Variants in DCDC2 observed in about 807,000 individuals in gnomAD.
DCDC2 encodes the protein doublecortin domain-containing protein 2.
In DCDC2, 40 loss-of-function variants were observed where a neutral mutation model predicts 50.2. The ratio of observed to expected loss-of-function variants is 0.80; its 90% confidence interval spans 0.62 to 1.04. DCDC2 has a LOEUF of 1.04. Among genes scored for constraint, DCDC2 ranks in the 50% least tolerant of loss-of-function variants. DCDC2 has a pLI of 0.00. For missense variants in DCDC2, 570 were observed against 581.9 expected (o/e 0.98, Z 0.21); for synonymous variants, 234 against 210.6 (o/e 1.11, Z -0.96).
At chr6:24,217,668 C>A (rs1377765804) in intron 7 of DCDC2, among the ~76,000 whole-genome samples, 2 of 152,100 alleles carry the variant, frequency 1.3e-5, no homozygotes, top group Non-Finnish European at 2.9e-5. Context: ...TTTAACTGTT[C>A]TAGAATTTTA....
chr6:24,331,149 G>T (rs1759957704), intron 2 of DCDC2, among the ~76,000 whole-genome samples: 1 of 152,128 alleles, frequency 6.6e-6, no homozygotes, highest in East Asian at 1.9e-4. Flanking sequence ...CTAACTGGAA[G>T]ACGGGAAGAG....
At position 24,265,880 on chromosome 6, in the gene DCDC2, A is replaced by T. The variant is rs192412358; in HGVS notation, c.922+12169T>A. 4.7e-4 allele frequency among the ~76,000 whole-genome samples: 71 copies of T among 152,214 alleles called. No individual in the cohort carries two copies. In the East Asian group the frequency reaches 0.012, roughly 26 times the overall value. On this transcript the variant is annotated intron_variant, in intron 7 of 9. Transcript: ENST00000378454. ...GCAAGAGCAAACCCAATCCAAAATTAAAAGAAATAACAACAGAGCAGAAAT... is the reference window on the plus strand; with the variant it reads ...GCAAGAGCAAACCCAATCCAAAATTTAAAGAAATAACAACAGAGCAGAAAT...
Position 24,178,640 on chromosome 6 carries a change from A to T in DCDC2, c.1024-8T>A. On this transcript the variant is annotated splice_region_variant and splice_polypyrimidine_tract_variant and intron_variant, in intron 8 of 9. Transcript: ENST00000378454. ...TACTATTTCTGCTGGCCTCTGATGG[A>T]TCAAAAGGAATAATGGATAAAAGTA... The T allele has an allele frequency of 6.2e-7, 1 of 1,607,834 alleles. No individual in the cohort carries two copies. Among genetic ancestry groups the T allele is most frequent in the East Asian group, 2.2e-5 (1 of 44,856 alleles).
chr6:24,232,429 T>G (rs957903629), intron 7 of DCDC2, among the ~76,000 whole-genome samples: 2 of 152,238 alleles, frequency 1.3e-5, no homozygotes, highest in Non-Finnish European at 2.9e-5. Flanking sequence ...TCAATCAGCA[T>G]GTTCAGGCAC....
At chr6:24,308,539 A>C (rs1214546924) in intron 2 of DCDC2, among the ~76,000 whole-genome samples, 7 of 152,254 alleles carry the variant, frequency 4.6e-5, no homozygotes, top group African/African-American at 1.7e-4. Flanking sequence ...TACACAACAC[A>C]AACTATAAAA....
chr6:24,212,021 A>T (rs1468615404), intron 7 of DCDC2, among the ~76,000 whole-genome samples: 2 of 152,074 alleles, frequency 1.3e-5, no homozygotes, highest in African/African-American at 4.8e-5. Context: ...GCGGCAGGTG[A>T]GTGAGAATTG....
chr6:24,221,839 A>G (rs1770908), intron 7 of DCDC2, among the ~76,000 whole-genome samples: 123,765 of 151,758 alleles, frequency 0.82, 51,260 homozygotes, highest in Non-Finnish European at 0.89. Flanking sequence ...CTTTTATTAC[A>G]CCCATCGTTA....
chr6:24,283,843 G>A (rs797007552), intron 6 of DCDC2, among the ~76,000 whole-genome samples: 16 of 152,320 alleles, frequency 1.1e-4, no homozygotes, highest in African/African-American at 3.9e-4. Flanking sequence ...AGCCGAGTTT[G>A]TGAGAACCTA....
chr6:24,306,944 T>G (rs1759486227), intron 2 of DCDC2, among the ~76,000 whole-genome samples: 1 of 152,198 alleles, frequency 6.6e-6, no homozygotes, highest in Non-Finnish European at 1.5e-5. Context: ...TTTAAAAACA[T>G]ATATTTGGAA....
At chr6:24,240,778 A>G (rs898286250) in intron 7 of DCDC2, among the ~76,000 whole-genome samples, 3 of 152,248 alleles carry the variant, frequency 2.0e-5, no homozygotes, top group South Asian at 2.1e-4. Flanking sequence ...CAGCAAATCA[A>G]TCCCTTAGAT....
At chr6:24,366,828 C>CT in the DCDC2 span, among the ~76,000 whole-genome samples, 2 of 150,248 alleles carry the variant, frequency 1.3e-5, no homozygotes, top group African/African-American at 4.8e-5. Flanking sequence ...AATGCTGGAT[C>CT]TTTTTTTATA....
At chr6:24,305,938 G>A (rs1056575570) in intron 2 of DCDC2, among the ~76,000 whole-genome samples, 1 of 152,000 alleles carries the variant, frequency 6.6e-6, no homozygotes, top group East Asian at 1.9e-4. Context: ...TGAGGGATGA[G>A]AATCACTTGA....
chr6:24,247,012 G>A (rs1258032983), intron 7 of DCDC2, among the ~76,000 whole-genome samples: 2 of 152,152 alleles, frequency 1.3e-5, no homozygotes, highest in Non-Finnish European at 2.9e-5. Flanking sequence ...CCCCAAAAGA[G>A]ATGAAAACAT....
intron 8 of DCDC2, among the ~76,000 whole-genome samples, chr6:24,188,203 T>C (rs944005149): frequency 6.6e-6 from 1 of 152,184 alleles, no homozygotes. Flanking sequence ...ACAATGCTGG[T>C]CCCCAAATGA....
chr6:24,237,747 G>T (rs916029100), intron 7 of DCDC2, among the ~76,000 whole-genome samples: 1 of 152,112 alleles, frequency 6.6e-6, no homozygotes, highest in African/African-American at 2.4e-5. Flanking sequence ...CCATAAAAAA[G>T]AATGAAATCA....
In DCDC2 at chr6:24,174,522, T is replaced by A. The variant is rs1760856496; in HGVS notation, c.*208A>T. 2 of 399,072 alleles carry A rather than the reference T, an allele frequency of 5.0e-6. No homozygotes were observed. Among genetic ancestry groups the A allele is most frequent in the Non-Finnish European group, 9.0e-6 (2 of 223,040 alleles). The allele number at this position is 399,072 out of a possible 1,614,324, so 24.7% of individuals were successfully genotyped here. On this transcript the variant is annotated 3_prime_UTR_variant, in exon 10 of 10. Coordinates refer to ENST00000378454, the MANE Select transcript of DCDC2 (RefSeq NM_016356.5). ...TTATTTAATATTTCTATATGACTTT[T>A]AAAACACATGCAATAAAAGTAAGTA...
chr6:24,353,340 T>C, intron 2 of DCDC2: 2 of 600,880 alleles, frequency 3.3e-6, no homozygotes, highest in East Asian at 7.3e-5. Context: ...GAAAAATATG[T>C]TTTGTCTAAT....
At chr6:24,216,540 T>A (rs1020647247) in intron 7 of DCDC2, among the ~76,000 whole-genome samples, 10 of 152,210 alleles carry the variant, frequency 6.6e-5, no homozygotes, top group Admixed American at 2.6e-4. Context: ...TACAGACGAC[T>A]CTTTCAAGAT....
At chr6:24,367,770 C>A in the DCDC2 span, among the ~76,000 whole-genome samples, 2 of 146,982 alleles carry the variant, frequency 1.4e-5, no homozygotes, top group African/African-American at 5.1e-5. Context: ...AGTAAAAAAA[C>A]CTAAAACTTA....
Sources: gnomAD v4.1 joint callset for allele counts (sites outside exome capture counted in the v4.1 genomes callset) on GRCh38, gnomAD v4.1.1 for gene constraint, MANE v1.5 for transcripts, NCBI Gene and HGNC (gene_info 2026-07-23, HGNC 2026-07-21) for gene names.